Variants in NFAM1 observed in about 807,000 individuals in gnomAD.
NFAM1 encodes NFAT activation molecule 1.
A neutral mutation model predicts 29.0 loss-of-function variants in NFAM1; 17 were observed. That is an observed-to-expected ratio of 0.59 (90% CI 0.40 to 0.88). The LOEUF (loss-of-function observed/expected upper bound fraction) is 0.88. NFAM1 is among the 40% of genes least tolerant of loss of function. NFAM1 has a pLI of 0.00. For missense variants in NFAM1, 324 were observed against 344.6 expected (o/e 0.94, Z 0.47); for synonymous variants, 175 against 147.2 (o/e 1.19, Z -1.36).
chr22:42,401,541 A>C (rs1411780432), intron 3 of NFAM1, among the ~76,000 whole-genome samples: 1 of 152,026 alleles, frequency 6.6e-6, no homozygotes, highest in Non-Finnish European at 1.5e-5. Context: ...GGGCCGGGGC[A>C]AGGGGTCCCG....
At position 42,391,582 on chromosome 22, in the gene NFAM1, G is replaced by A. The variant is rs558546669; in HGVS notation, c.664-4504C>T. Among the ~76,000 whole-genome samples, 5 of 152,264 alleles carry A rather than the reference G, an allele frequency of 3.3e-5. No homozygotes were observed. The East Asian group carries it at 7.7e-4, about 23-fold the overall frequency. On this transcript the variant is annotated intron_variant, in intron 4 of 5. Coordinates refer to ENST00000329021, the MANE Select transcript of NFAM1 (RefSeq NM_145912.8). ...GGAGAGAACAACTTCAACATTTCCA[G>A]CCTGAGCAACGGGAAGGATGGAGCA...
At chr22:42,432,141 G>T in intron 1 of NFAM1, 96 bp downstream of exon 1, 1 of 1,116,378 alleles carries the variant, frequency 9.0e-7, no homozygotes, top group East Asian at 2.6e-5. Context: ...AATCCCCAGA[G>T]ACAGGTCCCT....
chr22:42,409,994 A>C lies in NFAM1; in HGVS notation c.452-447T>G, dbSNP rs1411866713. Among the ~76,000 whole-genome samples, 1 of 152,142 alleles carries C rather than the reference A, an allele frequency of 6.6e-6. No individual in the cohort carries two copies. The highest frequency in any genetic ancestry group is 2.4e-5 in the African/African-American group (1 of 41,444). ...AGCCCTCCTACCCCATGCCATCCCCAGTCCCTCCTGCTGGCATCCAGTCCT... is the reference window on the plus strand; with the variant it reads ...AGCCCTCCTACCCCATGCCATCCCCCGTCCCTCCTGCTGGCATCCAGTCCT... On this transcript the variant is annotated intron_variant, in intron 2 of 5. Coordinates refer to ENST00000329021, the MANE Select transcript of NFAM1 (RefSeq NM_145912.8). The surrounding 1 kb of genome is among the most constrained non-coding windows in gnomAD (Gnocchi z 4.9).
In NFAM1 at chr22:42,428,644, C is replaced by T. The variant is rs147589195; in HGVS notation, c.121+3593G>A. On this transcript the variant is annotated intron_variant, in intron 1 of 5. Coordinates refer to ENST00000329021, the MANE Select transcript of NFAM1 (RefSeq NM_145912.8). ...GGTAACTCCGGCCAAGGCTCACGGT[C>T]CCACCAGGCTGAGAGTGGGGCCTAT... is the stretch of plus-strand genomic sequence containing the variant. Among the ~76,000 whole-genome samples the T allele has an allele frequency of 1.8e-4, 28 of 152,290 alleles. No individual in the cohort carries two copies. The East Asian group carries it at 5.0e-3, about 27-fold the overall frequency.
upstream of NFAM1, chr22:42,437,137 T>TTC (rs754277732): frequency 5.6e-5 from 16 of 287,596 alleles, no homozygotes; most frequent in Non-Finnish European, 7.4e-5. Flanking sequence ...TTTTTTCTTT[T>TTC]TGTCTTTTTT....
chr22:42,416,999 G>A (rs780910217), intron 1 of NFAM1, among the ~76,000 whole-genome samples: 13 of 152,080 alleles, frequency 8.5e-5, no homozygotes, highest in Non-Finnish European at 1.8e-4. Flanking sequence ...CCACTTCCGT[G>A]GGGGCCCCAA....
upstream of NFAM1, chr22:42,436,984 C>T: frequency 1.0e-6 from 1 of 984,526 alleles, no homozygotes; most frequent in Non-Finnish European, 1.2e-6. Flanking sequence ...GGGACCCGGG[C>T]TTTTCTACTG....
At chr22:42,399,697 G>A (rs1180887428) in intron 3 of NFAM1, among the ~76,000 whole-genome samples, 1 of 152,140 alleles carries the variant, frequency 6.6e-6, no homozygotes, top group African/African-American at 2.4e-5. Context: ...GGAGTCACGA[G>A]GCGGTACAGG....
At chr22:42,420,050 A>G (rs1231154575) in intron 1 of NFAM1, among the ~76,000 whole-genome samples, 1 of 110,126 alleles carries the variant, frequency 9.1e-6, no homozygotes, top group Non-Finnish European at 1.7e-5. Flanking sequence ...TTGCTCTTGT[A>G]CCCAGGCTCG....
At chr22:42,407,463 G>T (rs1191587942) in intron 3 of NFAM1, among the ~76,000 whole-genome samples, 1 of 152,062 alleles carries the variant, frequency 6.6e-6, no homozygotes, top group Non-Finnish European at 1.5e-5. Flanking sequence ...CCACCTCCCG[G>T]GTTCAAGCAA....
At chr22:42,385,372 C>G in intron 5 of NFAM1, 152 bp from the exon 6 acceptor site, 3 of 658,272 alleles carry the variant, frequency 4.6e-6, no homozygotes, top group South Asian at 3.4e-5. Flanking sequence ...CCAAGCCCAC[C>G]TCCCCAGCCT....
intron 3 of NFAM1, among the ~76,000 whole-genome samples, chr22:42,399,460 A>G (rs111839508): frequency 8.2e-4 from 88 of 106,892 alleles, no homozygotes; most frequent in African/African-American, 2.7e-3. Flanking sequence ...AAAAAAAAAA[A>G]AAAGAAAGAA....
At chr22:42,396,955 A>ACCTGAGGG (rs1929549480) in intron 4 of NFAM1, among the ~76,000 whole-genome samples, 1 of 140,430 alleles carries the variant, frequency 7.1e-6, no homozygotes, top group African/African-American at 2.5e-5. Context: ...GCACCTGGGG[A>ACCTGAGGG]GCGTGCACCT....
intron 1 of NFAM1, among the ~76,000 whole-genome samples, chr22:42,430,788 G>A (rs1051092742): frequency 1.3e-5 from 2 of 152,080 alleles, no homozygotes; most frequent in African/African-American, 4.8e-5. Flanking sequence ...CTTACTGCTC[G>A]GTTACCAGGG....
intron 4 of NFAM1, among the ~76,000 whole-genome samples, chr22:42,394,031 T>TTTTA (rs889108773): frequency 1.3e-3 from 195 of 152,078 alleles, no homozygotes; most frequent in African/African-American, 4.4e-3. Context: ...ATATCCTTAT[T>TTTTA]TTTATTTATT....
chr22:42,425,944 G>A (rs1930607879), intron 1 of NFAM1, among the ~76,000 whole-genome samples: 1 of 152,166 alleles, frequency 6.6e-6, no homozygotes. Flanking sequence ...GTTCAGGGTG[G>A]GGAAGGGGCC....
At chr22:42,393,525 C>T (rs888357536) in intron 4 of NFAM1, among the ~76,000 whole-genome samples, 20 of 151,752 alleles carry the variant, frequency 1.3e-4, no homozygotes, top group African/African-American at 4.6e-4. Context: ...TCTCCTGCCT[C>T]GGCCTCCTGA....
rs370189808 is a variant in NFAM1 at position 42,385,214 on chromosome 22, G to T, written c.760C>A (p.Pro254Thr). The T allele has an allele frequency of 1.4e-5, 23 of 1,607,172 alleles. No homozygotes were observed. In the African/African-American group the frequency reaches 2.0e-4, roughly 14 times the overall value. ...AKQSPLSQERPHRFEDDGELN... is the reference protein window; with the variant it reads ...AKQSPLSQERTHRFEDDGELN... ...TCGCCATCATCTTCGAATCTATGCG[G>T]TCTCTCCTGGATAGAAAAGAAGAAA... Residue 254 changes from proline (P) to threonine (T), a missense_variant, in exon 6 of 6, where the codon CCG (proline) becomes ACG (threonine). Pro to Thr is a conservative substitution (Grantham distance 38). Coordinates refer to ENST00000329021, the MANE Select transcript of NFAM1 (RefSeq NM_145912.8).
At chr22:42,410,534 C>CT (rs1930047318) in intron 2 of NFAM1, 1 of 317,372 alleles carries the variant, frequency 3.2e-6, no homozygotes, top group African/African-American at 2.2e-5. Flanking sequence ...TGGTGGACAT[C>CT]TGTAATCCCA....
Sources: allele counts gnomAD v4.1 joint callset (sites outside exome capture counted in the v4.1 genomes callset), GRCh38; gene constraint gnomAD v4.1.1; non-coding constraint Gnocchi (gnomAD v3.1); transcripts MANE v1.5; gene names NCBI Gene and HGNC (gene_info 2026-07-23, HGNC 2026-07-21).